TTLL5: variants seen among roughly 807,000 people sequenced by gnomAD.
TTLL5 encodes the protein tubulin tyrosine ligase like 5.
A neutral mutation model predicts 168.4 loss-of-function variants in TTLL5; 132 were observed. That is an observed-to-expected ratio of 0.78 (90% confidence interval 0.68 to 0.91). The LOEUF is 0.91. TTLL5 is among the 40% of genes least tolerant of loss of function. The pLI, the probability that TTLL5 is intolerant of heterozygous loss-of-function variation, is 0.00. For synonymous variants in TTLL5, 546 were observed against 558.6 expected, an observed-to-expected ratio of 0.98 and a Z score of 0.32; for missense variants, 1,545 against 1,581.5, an observed-to-expected ratio of 0.98 and a Z score of 0.39.
chr14:75,871,658 C>T (rs2031045353), intron 29 of TTLL5, among the ~76,000 whole-genome samples: 1 of 151,674 alleles, frequency 6.6e-6, no homozygotes, highest in African/African-American at 2.4e-5. Context: ...ATTCTCTTCC[C>T]TCACTCCGTG....
At chr14:75,740,676 G>T (rs1889204537) in intron 15 of TTLL5, among the ~76,000 whole-genome samples, 1 of 152,080 alleles carries the variant, frequency 6.6e-6, no homozygotes, top group Non-Finnish European at 1.5e-5. Flanking sequence ...TCTCTTAGAA[G>T]CCATTTTTTT....
At chr14:75,764,367 T>C (rs1250506991) in intron 18 of TTLL5, among the ~76,000 whole-genome samples, 1 of 152,206 alleles carries the variant, frequency 6.6e-6, no homozygotes, top group Non-Finnish European at 1.5e-5. Context: ...TCAGTATCAC[T>C]GAACACTTAA....
chr14:75,787,096 G>A (rs1054677226), intron 26 of TTLL5, among the ~76,000 whole-genome samples: 2 of 152,238 alleles, frequency 1.3e-5, no homozygotes, highest in South Asian at 4.1e-4. Context: ...TCACACCACT[G>A]CACTCCAGCC....
chr14:75,874,933 C>CATTTT (rs778792332), intron 29 of TTLL5, among the ~76,000 whole-genome samples: 1 of 97,546 alleles, frequency 1.0e-5, no homozygotes. Context: ...CACTGGGGGC[C>CATTTT]TTTTTTTTTT....
chr14:75,839,321 C>T (rs1037397943), intron 28 of TTLL5, among the ~76,000 whole-genome samples: 2 of 152,224 alleles, frequency 1.3e-5, no homozygotes, highest in Non-Finnish European at 2.9e-5. Context: ...CACCACTTCA[C>T]ATTCCCACCA....
intron 28 of TTLL5, among the ~76,000 whole-genome samples, chr14:75,859,535 T>C (rs1312154805): frequency 1.3e-5 from 2 of 152,212 alleles, no homozygotes; most frequent in Non-Finnish European, 2.9e-5. Flanking sequence ...TGTACTCTGT[T>C]GTAGAAGTAA....
intron 6 of TTLL5, among the ~76,000 whole-genome samples, chr14:75,695,900 TTCCCC>T (rs1243385873): frequency 2.1e-5 from 2 of 93,102 alleles, no homozygotes; most frequent in African/African-American, 4.1e-5. Context: ...CTTCCTTCCC[TTCCCC>T]TCCCCTCCCC....
At chr14:75,863,266 A>G (rs1468675798) in intron 28 of TTLL5, among the ~76,000 whole-genome samples, 1 of 152,220 alleles carries the variant, frequency 6.6e-6, no homozygotes, top group Non-Finnish European at 1.5e-5. Context: ...TTTGAAGTTG[A>G]TGTTAGAGAA....
intron 31 of TTLL5, among the ~76,000 whole-genome samples, chr14:75,918,606 A>T (rs2033704857): frequency 6.6e-6 from 1 of 152,196 alleles, no homozygotes; most frequent in African/African-American, 2.4e-5. Context: ...GAAGATGGAA[A>T]AAATGAGCCA....
chr14:75,665,018 A>G (rs566141703), intron 2 of TTLL5, among the ~76,000 whole-genome samples: 35 of 152,354 alleles, frequency 2.3e-4, no homozygotes, highest in Admixed American at 1.8e-3. Context: ...TGCTGACTGA[A>G]TAACGAAATG....
At chr14:75,762,009 A>G (rs530679004) in intron 18 of TTLL5, among the ~76,000 whole-genome samples, 2 of 152,214 alleles carry the variant, frequency 1.3e-5, no homozygotes, top group Non-Finnish European at 2.9e-5. Flanking sequence ...GAAACAAAAT[A>G]TAGTAAAATG....
chr14:75,779,442 A>G (rs1595025453), intron 23 of TTLL5, 133 bp from the exon 24 acceptor site: 4 of 1,246,508 alleles, frequency 3.2e-6, no homozygotes, highest in African/African-American at 1.5e-5. Flanking sequence ...TTAACCACCT[A>G]TTAATAGGGA....
chr14:75,784,408 C>T (rs985844730), intron 26 of TTLL5, among the ~76,000 whole-genome samples: 4 of 152,160 alleles, frequency 2.6e-5, no homozygotes, highest in Admixed American at 6.5e-5. Context: ...GGTTCATCCA[C>T]GTTGTAGTAG....
At chr14:75,849,611 A>C (rs973259323) in intron 28 of TTLL5, among the ~76,000 whole-genome samples, 1 of 152,230 alleles carries the variant, frequency 6.6e-6, no homozygotes, top group African/African-American at 2.4e-5. Context: ...GAAGGGAATC[A>C]TTTAAGCCCA....
At chr14:75,954,255 A>C (rs1049072982) in intron 31 of TTLL5, among the ~76,000 whole-genome samples, 169 bp from the exon 32 acceptor site, 1 of 16,294 alleles carries the variant, frequency 6.1e-5, no homozygotes, top group African/African-American at 2.1e-4. Flanking sequence ...TCCATCTCAA[A>C]AAAAAAAAAA....
At chr14:75,795,480 A>G (rs1012996410) in intron 27 of TTLL5, among the ~76,000 whole-genome samples, 1 of 152,014 alleles carries the variant, frequency 6.6e-6, no homozygotes, top group African/African-American at 2.4e-5. Context: ...GGTTACATGG[A>G]TAAGCTCTCT....
At chr14:75,930,558 CTGTATATATTATTAATTAAAT>C (rs2034241978) in intron 31 of TTLL5, 1 of 960,126 alleles carries the variant, frequency 1.0e-6, no homozygotes, top group South Asian at 4.8e-5. Context: ...GATAATCAGC[CTGTATATATTATTAATTAAAT>C]ATCTACTGAC....
intron 9 of TTLL5, chr14:75,711,851 ATT>A (rs1887099390): frequency 6.6e-6 from 1 of 152,218 alleles, no homozygotes; most frequent in Non-Finnish European, 1.5e-5. Flanking sequence ...TCTCTGCTGG[ATT>A]CCTGTGGTTT....
intron 30 of TTLL5, among the ~76,000 whole-genome samples, chr14:75,895,381 G>A (rs2032603970): frequency 6.6e-6 from 1 of 152,090 alleles, no homozygotes; most frequent in Admixed American, 6.5e-5. Flanking sequence ...AATGGTATTC[G>A]AGTATATGTG....
Sources: allele counts gnomAD v4.1 joint callset (sites outside exome capture counted in the v4.1 genomes callset), GRCh38; gene constraint gnomAD v4.1.1; transcripts MANE v1.5; gene names NCBI Gene and HGNC (gene_info 2026-07-23, HGNC 2026-07-21).